Variants in STK39 observed in about 807,000 individuals in gnomAD.
STK39 encodes serine/threonine kinase 39.
Under a neutral mutation model 77.8 loss-of-function variants are expected in STK39, and 20 were observed. That is an observed-to-expected ratio of 0.26 (90% CI 0.18 to 0.37). STK39 has a LOEUF of 0.37. STK39 is among the 10% of genes least tolerant of loss of function. The pLI, the probability that STK39 is intolerant of heterozygous loss-of-function variation, is 1.00. For missense variants in STK39, 479 were observed against 656.5 expected (o/e 0.73, Z 2.95); for synonymous variants, 246 against 234.1 (o/e 1.05, Z -0.47).
At chr2:168,114,629 G>C (rs1813141) in intron 10 of STK39, among the ~76,000 whole-genome samples, 1 of 151,958 alleles carries the variant, frequency 6.6e-6, no homozygotes, top group Non-Finnish European at 1.5e-5. Flanking sequence ...CAATGCAATG[G>C]TTCAGGAAAA....
At chr2:168,024,197 G>A (rs779881077) in intron 14 of STK39, among the ~76,000 whole-genome samples, 4 of 152,180 alleles carry the variant, frequency 2.6e-5, no homozygotes, top group Non-Finnish European at 5.9e-5. Context: ...CCAGTGAGCT[G>A]GGCAGATACT....
chr2:168,233,799 C>T (rs532396703), intron 1 of STK39, among the ~76,000 whole-genome samples: 38 of 152,246 alleles, frequency 2.5e-4, no homozygotes, highest in African/African-American at 5.8e-4. Flanking sequence ...ATTCTGACTA[C>T]GATATCCAAC....
chr2:168,212,984 G>A (rs978684202), intron 1 of STK39, among the ~76,000 whole-genome samples: 6 of 152,292 alleles, frequency 3.9e-5, no homozygotes, highest in African/African-American at 1.2e-4. Context: ...CCAATATTTA[G>A]TCATATTAAG....
At chr2:168,184,995 T>C (rs1359662402) in intron 1 of STK39, among the ~76,000 whole-genome samples, 1 of 152,186 alleles carries the variant, frequency 6.6e-6, no homozygotes, top group Non-Finnish European at 1.5e-5. Context: ...TTTATGCACT[T>C]TGCTGATTAG....
At chr2:167,983,913 T>C (rs906064224) in intron 16 of STK39, among the ~76,000 whole-genome samples, 19 of 152,180 alleles carry the variant, frequency 1.2e-4, no homozygotes, top group African/African-American at 4.1e-4. Flanking sequence ...GTAGTACTTA[T>C]TCAAGATCCT....
intron 10 of STK39, among the ~76,000 whole-genome samples, chr2:168,098,548 T>C (rs1401534890): frequency 3.3e-5 from 5 of 152,128 alleles, no homozygotes; most frequent in East Asian, 3.9e-4. Context: ...TGACACCCTA[T>C]TGACAGGGGC....
chr2:168,109,819 C>T (rs1687074580), intron 10 of STK39, among the ~76,000 whole-genome samples: 1 of 152,216 alleles, frequency 6.6e-6, no homozygotes, highest in Non-Finnish European at 1.5e-5. Flanking sequence ...AATGATGCTG[C>T]ACATCCTTTG....
chr2:168,046,802 G>A (rs1685253040), intron 14 of STK39, among the ~76,000 whole-genome samples: 1 of 152,220 alleles, frequency 6.6e-6, no homozygotes, highest in African/African-American at 2.4e-5. Flanking sequence ...GGGGATAAAG[G>A]TGAAACTGCA....
At chr2:168,147,990 T>C (rs1247184916) in intron 5 of STK39, among the ~76,000 whole-genome samples, 1 of 152,186 alleles carries the variant, frequency 6.6e-6, no homozygotes, top group Non-Finnish European at 1.5e-5. Context: ...TTTCTGATCA[T>C]AGCACTCTCT....
chr2:168,074,860 G>T, intron 12 of STK39, 122 bp downstream of exon 12: 1 of 1,157,460 alleles, frequency 8.6e-7, no homozygotes, highest in Non-Finnish European at 1.2e-6. Context: ...CAAAGTCCTC[G>T]TGCCTTTCCT....
chr2:167,956,542 G>A (rs1164089526), intron 17 of STK39, among the ~76,000 whole-genome samples: 3 of 145,282 alleles, frequency 2.1e-5, no homozygotes, highest in Non-Finnish European at 4.5e-5. Context: ...CCAGCCTGGC[G>A]ACAGAGCGAG....
intron 10 of STK39, among the ~76,000 whole-genome samples, chr2:168,079,026 T>G (rs998511773): frequency 1.3e-5 from 2 of 152,232 alleles, no homozygotes; most frequent in East Asian, 3.8e-4. Flanking sequence ...ATACTACTGA[T>G]GAGAAGTATA....
At chr2:168,088,075 A>G (rs555152932) in intron 10 of STK39, among the ~76,000 whole-genome samples, 5 of 152,248 alleles carry the variant, frequency 3.3e-5, no homozygotes, top group South Asian at 2.1e-4. Flanking sequence ...AAAAACCTGG[A>G]AAGACACTCA....
intron 5 of STK39, among the ~76,000 whole-genome samples, chr2:168,151,717 C>A (rs972519539): frequency 2.1e-5 from 3 of 144,860 alleles, no homozygotes; most frequent in African/African-American, 7.8e-5. Context: ...CCAGCCTGGG[C>A]GACAGAGTGA....
At chr2:168,171,637 C>A (rs1020378988) in intron 2 of STK39, among the ~76,000 whole-genome samples, 4 of 151,886 alleles carry the variant, frequency 2.6e-5, no homozygotes, top group African/African-American at 9.7e-5. Flanking sequence ...TGAGCACATG[C>A]TATCACATCC....
chr2:168,025,868 C>T (rs1342607779), intron 14 of STK39, among the ~76,000 whole-genome samples: 1 of 152,190 alleles, frequency 6.6e-6, no homozygotes, highest in Non-Finnish European at 1.5e-5. Context: ...AGTGTCTTCA[C>T]GTCAGAACTG....
intron 1 of STK39, among the ~76,000 whole-genome samples, chr2:168,208,962 G>A (rs1478839419): frequency 6.6e-6 from 1 of 152,176 alleles, no homozygotes; most frequent in African/African-American, 2.4e-5. Context: ...CCTGTGATGT[G>A]GGGTTGTTTG....
chr2:168,130,245 A>G (rs1687644242), intron 8 of STK39, among the ~76,000 whole-genome samples: 1 of 152,232 alleles, frequency 6.6e-6, no homozygotes, highest in Non-Finnish European at 1.5e-5. Flanking sequence ...TCTCAAGTGC[A>G]TATGGACTGC....
intron 15 of STK39, among the ~76,000 whole-genome samples, chr2:168,013,800 G>A (rs1174778579): frequency 4.8e-4 from 14 of 29,292 alleles, no homozygotes; most frequent in African/African-American, 9.7e-4. Flanking sequence ...GCTGGTGTGT[G>A]TGTGTGTGTG....
Sources: allele counts gnomAD v4.1 joint callset (sites outside exome capture counted in the v4.1 genomes callset), GRCh38; gene constraint gnomAD v4.1.1; transcripts MANE v1.5; gene names NCBI Gene and HGNC (gene_info 2026-07-23, HGNC 2026-07-21).